Variants in ADAMTSL1 observed in about 807,000 individuals in gnomAD.
ADAMTSL1 encodes ADAMTS like 1, also known as ADAMTS-like protein 1.
ADAMTSL1 carries 126 observed loss-of-function variants against 201.8 expected under a neutral mutation model. The observed-to-expected ratio is 0.62, with a 90% confidence interval of 0.54 to 0.72. The LOEUF (loss-of-function observed/expected upper bound fraction) is 0.72. ADAMTSL1 is among the 30% of genes least tolerant of loss of function. The pLI is 0.00. For missense variants in ADAMTSL1, 2,679 were observed against 2,277.8 expected (o/e 1.18, Z -3.59); for synonymous variants, 1,121 against 903.4 (o/e 1.24, Z -4.32).
chr9:18,311,181 A>T (rs998382124), intron 2 of ADAMTSL1, among the ~76,000 whole-genome samples: 3 of 151,926 alleles, frequency 2.0e-5, no homozygotes, highest in African/African-American at 7.3e-5. Context: ...AGGGAGGGGA[A>T]CATCACATAC....
intron 2 of ADAMTSL1, chr9:18,362,227 T>A (rs1370701610): frequency 6.6e-6 from 1 of 152,142 alleles, no homozygotes; most frequent in Non-Finnish European, 1.5e-5. Flanking sequence ...AACACTGGAA[T>A]ATAGAGCAGA....
At chr9:18,396,919 G>A (rs1052881606) in intron 2 of ADAMTSL1, among the ~76,000 whole-genome samples, 3 of 151,996 alleles carry the variant, frequency 2.0e-5, no homozygotes, top group Non-Finnish European at 4.4e-5. Flanking sequence ...TCCTAAATAG[G>A]GGTCCTAAGA....
intron 21 of ADAMTSL1, among the ~76,000 whole-genome samples, chr9:18,822,055 A>G (rs1203650573): frequency 6.6e-6 from 1 of 152,184 alleles, no homozygotes; most frequent in African/African-American, 2.4e-5. Flanking sequence ...AAGATACACC[A>G]CAGGGGAAAA....
intron 2 of ADAMTSL1, among the ~76,000 whole-genome samples, chr9:18,333,454 G>T (rs1325637134): frequency 6.6e-6 from 1 of 152,160 alleles, no homozygotes; most frequent in Admixed American, 6.6e-5. Flanking sequence ...CAGCCATGTG[G>T]AATTGTGAGT....
At chr9:18,691,527 T>A in intron 13 of ADAMTSL1, among the ~76,000 whole-genome samples, 1 of 152,196 alleles carries the variant, frequency 6.6e-6, no homozygotes. Flanking sequence ...GATAATTTCC[T>A]AAAATTGATT....
chr9:18,680,502 C>A lies in ADAMTSL1; in HGVS notation c.1327C>A (p.Gln443Lys). ...NIFDCPKWLA[Q>K]EWSPCTVTCG... ...TTTTGACTGCCCTAAATGGCTGGCACAGGAGTGGTCTCCGGTAACTGTGCC... is the reference window on the plus strand; with the variant it reads ...TTTTGACTGCCCTAAATGGCTGGCAAAGGAGTGGTCTCCGGTAACTGTGCC... Residue 443 changes from glutamine to lysine, a missense_variant, in exon 11 of 29, where the codon CAG becomes AAG. Transcript: ENST00000380548. 6.2e-7 allele frequency: 1 copy of A among 1,614,122 alleles called. No homozygotes were observed. Among genetic ancestry groups the A allele is most frequent in the Non-Finnish European group, 8.5e-7 (1 of 1,180,008 alleles).
At chr9:17,911,075 A>G (rs1185920295) in intron 1 of ADAMTSL1, among the ~76,000 whole-genome samples, 1 of 68,754 alleles carries the variant, frequency 1.5e-5, no homozygotes, top group African/African-American at 2.9e-5. Flanking sequence ...AGTCCAAAGA[A>G]CAATTTTAAT....
intron 2 of ADAMTSL1, among the ~76,000 whole-genome samples, chr9:18,347,009 C>T (rs1421771350): frequency 1.4e-4 from 21 of 152,118 alleles, no homozygotes; most frequent in Admixed American, 1.3e-3. Context: ...GAGACAAATA[C>T]ACAGAGCTCT....
chr9:18,085,665 G>A (rs557442778), intron 1 of ADAMTSL1, among the ~76,000 whole-genome samples: 68 of 149,524 alleles, frequency 4.5e-4, no homozygotes, highest in Non-Finnish European at 8.6e-4. Flanking sequence ...CTGTGTGTGT[G>A]TATATATATA....
intron 2 of ADAMTSL1, among the ~76,000 whole-genome samples, chr9:18,463,577 C>G (rs1199429094): frequency 6.6e-6 from 1 of 152,136 alleles, no homozygotes; most frequent in African/African-American, 2.4e-5. Flanking sequence ...TAGCAATCAC[C>G]ATTCTACTCC....
At chr9:18,893,079 A>T (rs898880541) in intron 26 of ADAMTSL1, among the ~76,000 whole-genome samples, 8 of 151,070 alleles carry the variant, frequency 5.3e-5, no homozygotes, top group African/African-American at 2.0e-4. Context: ...CTAGCTGGAG[A>T]CTCCTTTCTG....
intron 23 of ADAMTSL1, among the ~76,000 whole-genome samples, chr9:18,884,519 T>C (rs1396940259): frequency 7.0e-6 from 1 of 142,070 alleles, no homozygotes; most frequent in African/African-American, 2.6e-5. Flanking sequence ...TCCCCTGCGA[T>C]TTTTTTTAAG....
chr9:18,270,852 C>T (rs1832332612), intron 2 of ADAMTSL1, among the ~76,000 whole-genome samples: 2 of 152,250 alleles, frequency 1.3e-5, no homozygotes, highest in Non-Finnish European at 2.9e-5. Flanking sequence ...TGATATATGT[C>T]ATTCGGGCAA....
At chr9:17,984,430 C>G (rs1435190555) in intron 1 of ADAMTSL1, among the ~76,000 whole-genome samples, 2 of 151,898 alleles carry the variant, frequency 1.3e-5, no homozygotes, top group African/African-American at 4.8e-5. Context: ...TTTTTCTTTA[C>G]TAGTTTCTTT....
At chr9:18,440,728 G>A (rs748765592) in intron 2 of ADAMTSL1, among the ~76,000 whole-genome samples, 1 of 151,788 alleles carries the variant, frequency 6.6e-6, no homozygotes, top group Non-Finnish European at 1.5e-5. Flanking sequence ...ATATTTAAGG[G>A]CCATTTACTT....
At chr9:18,491,915 G>C (rs1822288580) in intron 1 of ADAMTSL1, among the ~76,000 whole-genome samples, 1 of 152,050 alleles carries the variant, frequency 6.6e-6, no homozygotes. Context: ...TTTAAATGAG[G>C]CACTTATACT....
intron 22 of ADAMTSL1, among the ~76,000 whole-genome samples, chr9:18,827,449 G>T (rs6475255): frequency 0.64 from 97,662 of 151,602 alleles, 32,335 homozygotes; most frequent in Non-Finnish European, 0.73. Context: ...TTTCAGAGAG[G>T]CCCAAACGGG....
intron 1 of ADAMTSL1, among the ~76,000 whole-genome samples, chr9:18,090,369 G>T (rs1368019896): frequency 6.6e-6 from 1 of 152,114 alleles, no homozygotes; most frequent in Non-Finnish European, 1.5e-5. Context: ...ACAGACCAAT[G>T]AATAAACAAA....
At chr9:18,501,141 C>G (rs117236185) in intron 1 of ADAMTSL1, among the ~76,000 whole-genome samples, 1,793 of 152,228 alleles carry the variant, frequency 0.012, 17 homozygotes, top group Non-Finnish European at 0.021. Flanking sequence ...TCTATTTCCC[C>G]TGCTAGATGC....
Sources: allele counts gnomAD v4.1 joint callset (sites outside exome capture counted in the v4.1 genomes callset), GRCh38; gene constraint gnomAD v4.1.1; transcripts MANE v1.5; gene names NCBI Gene and HGNC (gene_info 2026-07-23, HGNC 2026-07-21).